Variants in ANKH observed in about 807,000 individuals in gnomAD.
The protein encoded by ANKH is ANKH inorganic pyrophosphate transport regulator.
In ANKH, 15 loss-of-function variants were observed where a neutral mutation model predicts 49.0. The observed-to-expected ratio is 0.31, with a 90% confidence interval of 0.20 to 0.47. The LOEUF is 0.47. Ranked by LOEUF, ANKH falls within the 20% of genes least tolerant of loss-of-function variation. The pLI, the probability that ANKH is intolerant of heterozygous loss-of-function variation, is 1.00. For missense variants in ANKH, 429 were observed against 652.0 expected, an observed-to-expected ratio of 0.66 and a Z score of 3.72; for synonymous variants, 273 against 260.0, an observed-to-expected ratio of 1.05 and a Z score of -0.48.
intron 1 of ANKH, among the ~76,000 whole-genome samples, chr5:14,847,436 G>A (rs1033327117): frequency 2.0e-5 from 3 of 152,200 alleles, no homozygotes; most frequent in Non-Finnish European, 4.4e-5. Flanking sequence ...GCCGGAACCT[G>A]CATGTTGCAG....
chr5:14,869,427 C>G (rs1333636570), intron 1 of ANKH: 1 of 152,218 alleles, frequency 6.6e-6, no homozygotes, highest in African/African-American at 2.4e-5. Context: ...TCCAGGCAGC[C>G]TATAACCTCA....
intron 1 of ANKH, among the ~76,000 whole-genome samples, chr5:14,803,831 G>A (rs908588652): frequency 2.1e-4 from 32 of 152,162 alleles, no homozygotes; most frequent in Admixed American, 5.2e-4. Context: ...GGCAAGGAAT[G>A]TGGGAACAGC....
rs1737003593 is a variant in ANKH at position 14,707,926 on chromosome 5, C to G, written c.*3271G>C. The G allele has an allele frequency of 1.3e-5, 2 of 152,026 alleles. No homozygotes were observed. Among genetic ancestry groups the G allele is most frequent in the Non-Finnish European group, 2.9e-5 (2 of 68,008 alleles). 9.4% of individuals were successfully genotyped at this position (152,026 alleles called of 1,614,324 possible). A position where few individuals can be genotyped will look rare whatever the true frequency, so the allele number is the denominator to read the frequency against. On this transcript the variant is annotated 3_prime_UTR_variant, in exon 12 of 12. Transcript: ENST00000284268. ...GTCATGGGGGATGACTGTTTTTTAC[C>G]CAGAAATGCAAACAAGTGGCCTTCT...
At chr5:14,762,010 C>G (rs927770548) in intron 2 of ANKH, among the ~76,000 whole-genome samples, 2 of 152,232 alleles carry the variant, frequency 1.3e-5, no homozygotes, top group Middle Eastern at 3.4e-3. Context: ...GGTGATCCAC[C>G]TGCCTCAGCC....
intron 1 of ANKH, among the ~76,000 whole-genome samples, chr5:14,817,947 C>G (rs1234545654): frequency 6.6e-6 from 1 of 151,770 alleles, no homozygotes; most frequent in Non-Finnish European, 1.5e-5. Context: ...GCCTGTAGTC[C>G]TAGCTACTCA....
chr5:14,853,556 G>A (rs544625792), intron 1 of ANKH, among the ~76,000 whole-genome samples: 1 of 152,152 alleles, frequency 6.6e-6, no homozygotes, highest in Non-Finnish European at 1.5e-5. Flanking sequence ...CAGCCTGGGT[G>A]ACAGAACAAG....
At chr5:14,846,021 A>G (rs770061481) in intron 1 of ANKH, among the ~76,000 whole-genome samples, 2 of 151,256 alleles carry the variant, frequency 1.3e-5, no homozygotes, top group Admixed American at 6.6e-5. Context: ...ACGCCCGGCA[A>G]ATTTTTTGTA....
chr5:14,853,421 A>T (rs1742170051), intron 1 of ANKH, among the ~76,000 whole-genome samples: 1 of 152,110 alleles, frequency 6.6e-6, no homozygotes, highest in South Asian at 2.1e-4. Context: ...ACAGAAAAAT[A>T]AAAAAATTAG....
intron 1 of ANKH, among the ~76,000 whole-genome samples, chr5:14,834,541 G>A (rs1210305119): frequency 6.6e-6 from 1 of 152,164 alleles, no homozygotes; most frequent in Non-Finnish European, 1.5e-5. Context: ...AGCACTTTGG[G>A]AGGCTGAGGT....
intron 2 of ANKH, 62 bp downstream of exon 2, chr5:14,768,913 T>C: frequency 6.6e-7 from 1 of 1,512,722 alleles, no homozygotes; most frequent in Non-Finnish European, 9.2e-7. Flanking sequence ...TACATTTAAA[T>C]CAATGAAAAG....
intron 1 of ANKH, among the ~76,000 whole-genome samples, chr5:14,804,084 C>CG (rs1289050255): frequency 1.3e-5 from 2 of 151,928 alleles, no homozygotes; most frequent in South Asian, 2.1e-4. Flanking sequence ...TTAGTAGAGA[C>CG]GGGGTTTCAC....
At chr5:14,798,491 A>AC (rs2126557127) in intron 1 of ANKH, 1 of 852,162 alleles carries the variant, frequency 1.2e-6, no homozygotes, top group East Asian at 3.2e-5. Context: ...CGCGGTCTCT[A>AC]TTTTTTTTTT....
intron 1 of ANKH, among the ~76,000 whole-genome samples, chr5:14,857,326 A>C (rs1236064275): frequency 1.3e-5 from 2 of 152,206 alleles, no homozygotes; most frequent in Non-Finnish European, 2.9e-5. Context: ...TTTATTTTAA[A>C]AAATGAAAGT....
intron 9 of ANKH, among the ~76,000 whole-genome samples, chr5:14,716,140 A>C (rs1214431544): frequency 1.3e-5 from 2 of 152,324 alleles, no homozygotes; most frequent in East Asian, 3.9e-4. Context: ...TATTGTCCCC[A>C]AAGCTCCACA....
At chr5:14,711,400 G>A (rs1002638232) in intron 11 of ANKH, 90 bp from the exon 12 acceptor site, 2 of 1,131,684 alleles carry the variant, frequency 1.8e-6, no homozygotes, top group Non-Finnish European at 2.7e-6. Context: ...CGGGGTCTTG[G>A]GGGACCCCTC....
intron 1 of ANKH, among the ~76,000 whole-genome samples, chr5:14,816,355 A>C (rs1181708058): frequency 6.6e-6 from 1 of 152,166 alleles, no homozygotes; most frequent in Non-Finnish European, 1.5e-5. Context: ...GAATGGGTCT[A>C]ATTGTAATTT....
intron 6 of ANKH, among the ~76,000 whole-genome samples, chr5:14,747,370 G>A (rs1371448540): frequency 6.6e-6 from 1 of 152,086 alleles, no homozygotes; most frequent in African/African-American, 2.4e-5. Context: ...GCTTGAGCCT[G>A]GGAGTTCGAG....
chr5:14,811,115 C>A (rs2126573583), intron 1 of ANKH, among the ~76,000 whole-genome samples: 1 of 152,260 alleles, frequency 6.6e-6, no homozygotes, highest in East Asian at 1.9e-4. Flanking sequence ...AACCTCATTG[C>A]CCCAAGCAGC....
intron 1 of ANKH, chr5:14,797,714 T>A (rs1047266501): frequency 1.3e-4 from 212 of 1,604,728 alleles, no homozygotes; most frequent in Non-Finnish European, 1.7e-4. Context: ...CATCTTCTAC[T>A]ATTGCCGTAT....
Sources: gnomAD v4.1 joint callset for allele counts (sites outside exome capture counted in the v4.1 genomes callset) on GRCh38, gnomAD v4.1.1 for gene constraint, MANE v1.5 for transcripts, NCBI Gene and HGNC (gene_info 2026-07-23, HGNC 2026-07-21) for gene names.